The following IGBP1 variants were observed in gnomAD, a reference collection of about 807,000 sequenced individuals.
IGBP1 encodes the protein immunoglobulin-binding protein 1.
Under a neutral mutation model 25.9 loss-of-function variants are expected in IGBP1, and 2 were observed. That is an observed-to-expected ratio of 0.08 (90% CI 0.03 to 0.24). The LOEUF (loss-of-function observed/expected upper bound fraction) is 0.24, where lower values mean the gene tolerates loss of function less well. IGBP1 is among the 10% of genes least tolerant of loss of function. The pLI, the probability that IGBP1 is intolerant of heterozygous loss-of-function variation, is 1.00. For synonymous variants in IGBP1, 96 were observed against 93.4 expected, an observed-to-expected ratio of 1.03 and a Z score of -0.16; for missense variants, 187 against 260.4, an observed-to-expected ratio of 0.72 and a Z score of 1.94.
chrX:70,153,713 C>T (rs2085217447), intron 6 of IGBP1, among the ~76,000 whole-genome samples: 1 of 111,825 alleles, frequency 8.9e-6, no homozygotes, highest in African/African-American at 3.3e-5. Flanking sequence ...AGCTCAGAAA[C>T]ATTCATGAGG....
chrX:70,149,228 CAA>C (rs11360263), intron 5 of IGBP1, among the ~76,000 whole-genome samples: 181 of 75,609 alleles, frequency 2.4e-3, no homozygotes, highest in African/African-American at 6.5e-3. Flanking sequence ...GACTCCGTCT[CAA>C]AAAAAAAAAA....
chrX:70,146,531 T>TA, intron 3 of IGBP1, 102 bp from the exon 4 acceptor site: 1 of 657,851 alleles, frequency 1.5e-6, no homozygotes, highest in South Asian at 2.3e-5. Context: ...TTGGTATGCT[T>TA]ACTACCCTAT....
chrX:70,157,475 C>T (rs1475322013), intron 6 of IGBP1, among the ~76,000 whole-genome samples: 1 of 111,854 alleles, frequency 8.9e-6, no homozygotes, highest in African/African-American at 3.3e-5. Context: ...CAAGATTGAA[C>T]ATAGCAGCAT....
chrX:70,143,277 G>A (rs1013154869), intron 3 of IGBP1, among the ~76,000 whole-genome samples: 5 of 110,626 alleles, frequency 4.5e-5, no homozygotes, highest in Admixed American at 9.6e-5. Context: ...CAGGCAATCC[G>A]CCTGCCTCGG....
chrX:70,154,396 A>G (rs1426760814), intron 6 of IGBP1, among the ~76,000 whole-genome samples: 1 of 108,906 alleles, frequency 9.2e-6, no homozygotes, highest in Non-Finnish European at 1.9e-5. Flanking sequence ...TTAACTCTTA[A>G]GTAGGCTGGG....
rs759984199 is a variant in IGBP1 at position 70,141,741 on chromosome X, A to G, written c.483-4892A>G. On this transcript the variant is annotated intron_variant, in intron 3 of 6. Transcript: ENST00000356413. ...ATTCAGACCTGGGGTAACTAATCCAATTTCTACCACTTAATAGATGTGGCA... is the reference window on the plus strand; with the variant it reads ...ATTCAGACCTGGGGTAACTAATCCAGTTTCTACCACTTAATAGATGTGGCA... Among the ~76,000 whole-genome samples the G allele has an allele frequency of 2.7e-5, 3 of 111,392 alleles. No individual in the cohort carries two copies. The South Asian group carries it at 1.1e-3, about 42-fold the overall frequency.
intron 6 of IGBP1, among the ~76,000 whole-genome samples, chrX:70,151,540 T>C (rs367773492): frequency 1.8e-5 from 2 of 110,974 alleles, no homozygotes; most frequent in East Asian, 5.6e-4. Context: ...GATGAGAAAG[T>C]GCTCTGGGAC....
intron 3 of IGBP1, 127 bp downstream of exon 3, chrX:70,134,943 C>T (rs930608970): frequency 4.9e-6 from 3 of 616,798 alleles, no homozygotes; most frequent in African/African-American, 4.5e-5. Flanking sequence ...AGCATAGGCC[C>T]TAGGGAGAGC....
intron 3 of IGBP1, among the ~76,000 whole-genome samples, chrX:70,145,765 C>G (rs1263852166): frequency 8.9e-6 from 1 of 112,135 alleles, no homozygotes; most frequent in Non-Finnish European, 1.9e-5. Context: ...GCATACTCTT[C>G]TAGATATTGG....
At chrX:70,157,211 T>G (rs1305561611) in intron 6 of IGBP1, among the ~76,000 whole-genome samples, 4 of 100,995 alleles carry the variant, frequency 4.0e-5, no homozygotes, top group Non-Finnish European at 7.8e-5. Flanking sequence ...TTTCAACACT[T>G]ATGTTAGAAA....
At position 70,150,272 on chromosome X, in the gene IGBP1, A is replaced by T. The variant is rs780599105; in HGVS notation, c.821A>T (p.His274Leu). ...TMTVSDWYEQ[H>L]RKYGALPDQG... Reference sequence around the variant, plus strand: ...ACGGTGAGTGACTGGTATGAGCAACATCGGAAATATGGAGCATTACCGGAT... The same window carrying T: ...ACGGTGAGTGACTGGTATGAGCAACTTCGGAAATATGGAGCATTACCGGAT... The change falls in exon 6 of 7, where the codon CAT (histidine) becomes CTT (leucine). Residue 274 changes from histidine to leucine, a missense_variant. His to Leu is a moderately conservative substitution (Grantham distance 99). Transcript: ENST00000356413. 8.3e-7 allele frequency: 1 copy of T among 1,206,185 alleles called. No homozygotes were observed. The highest frequency in any genetic ancestry group is 1.8e-5 in the South Asian group (1 of 56,848).
chrX:70,148,433 T>C (rs1194282430), intron 4 of IGBP1: 5 of 244,268 alleles, frequency 2.0e-5, no homozygotes, highest in Non-Finnish European at 2.9e-5. Context: ...CAAGTTCAGC[T>C]CAAGGGATTT....
intron 6 of IGBP1, among the ~76,000 whole-genome samples, chrX:70,151,467 C>T (rs185360168): frequency 2.2e-3 from 242 of 111,676 alleles, no homozygotes; most frequent in African/African-American, 7.2e-3. Context: ...TCAGCCACCG[C>T]GCTCAGCTTC....
chrX:70,162,374 A>G (rs1027259055), intron 6 of IGBP1, among the ~76,000 whole-genome samples: 3 of 112,326 alleles, frequency 2.7e-5, no homozygotes, highest in Admixed American at 9.5e-5. Context: ...AGTCTGAGAA[A>G]GAGTTACATC....
At chrX:70,165,689 C>T (rs1053025241) in intron 6 of IGBP1, 144 bp from the exon 7 acceptor site, 1 of 530,202 alleles carries the variant, frequency 1.9e-6, no homozygotes, top group African/African-American at 2.3e-5. Flanking sequence ...TCTCTCCCCG[C>T]TTCCGCCGGG....
At chrX:70,134,177 T>C (rs1471620169) in intron 2 of IGBP1, 42 bp downstream of exon 2, 2 of 1,145,366 alleles carry the variant, frequency 1.7e-6, no homozygotes, top group Admixed American at 4.4e-5. Flanking sequence ...ACGAAGGTAA[T>C]AATGGTTACC....
intron 3 of IGBP1, among the ~76,000 whole-genome samples, chrX:70,143,669 T>C (rs2085146227): frequency 1.1e-5 from 1 of 88,761 alleles, no homozygotes; most frequent in African/African-American, 4.5e-5. Context: ...GATGAAGGTC[T>C]AAGACAGTAG....
At chrX:70,148,729 A>C in intron 4 of IGBP1, 32 bp from the exon 5 acceptor site, 40 of 967,106 alleles carry the variant, frequency 4.1e-5, no homozygotes, top group Non-Finnish European at 5.5e-5. Flanking sequence ...TAAAATGGCA[A>C]ATTCACCTCT....
At chrX:70,163,422 A>G (rs1266901532) in intron 6 of IGBP1, among the ~76,000 whole-genome samples, 1 of 111,254 alleles carries the variant, frequency 9.0e-6, no homozygotes, top group Non-Finnish European at 1.9e-5. Context: ...GGAACCCAAT[A>G]TCTTGAGAAA....
Sources: allele counts gnomAD v4.1 joint callset (sites outside exome capture counted in the v4.1 genomes callset), GRCh38; gene constraint gnomAD v4.1.1; transcripts MANE v1.5; gene names NCBI Gene and HGNC (gene_info 2026-07-23, HGNC 2026-07-21).